Variants in AUTS2 observed in about 807,000 individuals in gnomAD.
AUTS2 encodes autism susceptibility gene 2 protein.
A neutral mutation model predicts 112.4 loss-of-function variants in AUTS2; 17 were observed. The ratio of observed to expected loss-of-function variants is 0.15; its 90% CI spans 0.10 to 0.23. The LOEUF (loss-of-function observed/expected upper bound fraction) is 0.23. Ranked by LOEUF, AUTS2 falls within the 10% of genes least tolerant of loss-of-function variation. AUTS2 has a pLI of 1.00. For synonymous variants in AUTS2, 751 were observed against 702.7 expected, an observed-to-expected ratio of 1.07 and a Z score of -1.09; for missense variants, 1,510 against 1,701.6, an observed-to-expected ratio of 0.89 and a Z score of 1.98.
chr7:70,534,898 C>T (rs1800251026), intron 5 of AUTS2, among the ~76,000 whole-genome samples: 1 of 151,606 alleles, frequency 6.6e-6, no homozygotes, highest in South Asian at 2.1e-4. Flanking sequence ...CAGAATGTCA[C>T]GAACTGGTGA....
At chr7:70,789,677 C>T (rs973789321) in intron 18 of AUTS2, 71 bp from the exon 19 acceptor site, 37 of 1,528,956 alleles carry the variant, frequency 2.4e-5, no homozygotes, top group African/African-American at 4.1e-5. Context: ...CCATTTCACC[C>T]GCAGCCCCTG....
intron 5 of AUTS2, among the ~76,000 whole-genome samples, chr7:70,457,263 C>G (rs1796778374): frequency 6.6e-6 from 1 of 152,200 alleles, no homozygotes; most frequent in African/African-American, 2.4e-5. Flanking sequence ...ACGGGGCTCA[C>G]TTTACCCACC....
intron 4 of AUTS2, among the ~76,000 whole-genome samples, chr7:70,268,120 C>T (rs761739116): frequency 1.3e-5 from 2 of 152,158 alleles, no homozygotes; most frequent in African/African-American, 2.4e-5. Flanking sequence ...TACTGTGTTT[C>T]GTTACCAACT....
At chr7:70,676,995 A>G (rs1807947493) in intron 5 of AUTS2, among the ~76,000 whole-genome samples, 1 of 152,170 alleles carries the variant, frequency 6.6e-6, no homozygotes, top group South Asian at 2.1e-4. Flanking sequence ...TTAACATTTA[A>G]TATGTAACCT....
chr7:70,678,975 C>T (rs921653583), intron 5 of AUTS2, among the ~76,000 whole-genome samples: 4 of 152,126 alleles, frequency 2.6e-5, no homozygotes, highest in Non-Finnish European at 4.4e-5. Context: ...CTCGGATTGG[C>T]AACCATGAGG....
At chr7:70,471,029 C>A (rs866847887) in intron 5 of AUTS2, among the ~76,000 whole-genome samples, 2 of 152,110 alleles carry the variant, frequency 1.3e-5, no homozygotes, top group African/African-American at 4.8e-5. Context: ...ACAGGCCAAG[C>A]GAGCCGGGCT....
At chr7:70,636,555 G>C (rs1253841631) in intron 5 of AUTS2, among the ~76,000 whole-genome samples, 2 of 152,134 alleles carry the variant, frequency 1.3e-5, no homozygotes, top group Admixed American at 1.3e-4. Context: ...GAACTTTTTT[G>C]AGCCAGTTTA....
chr7:70,270,411 G>A (rs1354195219), intron 4 of AUTS2, among the ~76,000 whole-genome samples: 2 of 152,096 alleles, frequency 1.3e-5, no homozygotes, highest in Non-Finnish European at 2.9e-5. Context: ...AAATTGGTGT[G>A]GTAGTACACG....
intron 4 of AUTS2, among the ~76,000 whole-genome samples, chr7:70,222,334 G>A (rs896676572): frequency 1.3e-5 from 2 of 152,146 alleles, no homozygotes; most frequent in African/African-American, 4.8e-5. Flanking sequence ...GGTGAGTGAA[G>A]GTGAAGCTGC....
intron 4 of AUTS2, among the ~76,000 whole-genome samples, chr7:70,346,755 C>T (rs1223782736): frequency 6.6e-6 from 1 of 152,162 alleles, no homozygotes; most frequent in Non-Finnish European, 1.5e-5. Flanking sequence ...GGATGAAGAA[C>T]TAGAGCACTC....
At chr7:70,592,814 C>T (rs1479548837) in intron 5 of AUTS2, among the ~76,000 whole-genome samples, 1 of 152,132 alleles carries the variant, frequency 6.6e-6, no homozygotes, top group Admixed American at 6.5e-5. Flanking sequence ...AATATAACAT[C>T]CTAAAAGTGA....
chr7:70,324,518 G>A (rs375824319), intron 4 of AUTS2, among the ~76,000 whole-genome samples: 2 of 151,940 alleles, frequency 1.3e-5, no homozygotes, highest in African/African-American at 2.4e-5. Context: ...CCAACCACTC[G>A]GGAGGCTGAG....
At chr7:70,062,560 A>C (rs2129561049) in intron 2 of AUTS2, among the ~76,000 whole-genome samples, 1 of 151,922 alleles carries the variant, frequency 6.6e-6, no homozygotes, top group African/African-American at 2.4e-5. Flanking sequence ...ATCCCAACGT[A>C]CATTGTTTTT....
chr7:70,389,273 A>C (rs10282159), intron 4 of AUTS2, among the ~76,000 whole-genome samples: 1 of 152,116 alleles, frequency 6.6e-6, no homozygotes, highest in African/African-American at 2.4e-5. Context: ...ATATTGGACC[A>C]CCTACAGGTG....
intron 5 of AUTS2, among the ~76,000 whole-genome samples, chr7:70,439,388 A>C (rs1248236109): frequency 6.6e-6 from 1 of 151,836 alleles, no homozygotes; most frequent in Non-Finnish European, 1.5e-5. Context: ...AAATACAAAA[A>C]ATTAGCCGGG....
intron 1 of AUTS2, among the ~76,000 whole-genome samples, chr7:69,606,746 A>T (rs1168216458): frequency 2.0e-5 from 3 of 152,238 alleles, no homozygotes; most frequent in Non-Finnish European, 4.4e-5. Flanking sequence ...GAGCAATATG[A>T]TAATGAATTT....
intron 2 of AUTS2, among the ~76,000 whole-genome samples, chr7:70,056,918 C>T (rs574642016): frequency 6.6e-6 from 1 of 152,276 alleles, no homozygotes; most frequent in South Asian, 2.1e-4. Flanking sequence ...CCTTTCTGTT[C>T]CTACATTCTA....
At chr7:70,293,873 G>A (rs1267335606) in intron 4 of AUTS2, 1 of 152,194 alleles carries the variant, frequency 6.6e-6, no homozygotes, top group African/African-American at 2.4e-5. Flanking sequence ...GTGGCTTGAA[G>A]CTCTGTATGG....
At chr7:70,561,948 A>G (rs886171472) in intron 5 of AUTS2, among the ~76,000 whole-genome samples, 1 of 152,114 alleles carries the variant, frequency 6.6e-6, no homozygotes, top group African/African-American at 2.4e-5. Flanking sequence ...TGGATCCCTC[A>G]TGAACGGCTT....
Sources: allele counts gnomAD v4.1 joint callset (sites outside exome capture counted in the v4.1 genomes callset), GRCh38; gene constraint gnomAD v4.1.1; transcripts MANE v1.5; gene names NCBI Gene and HGNC (gene_info 2026-07-23, HGNC 2026-07-21).